Variants in CAPZB observed in about 807,000 individuals in gnomAD.
CAPZB encodes the protein capping actin protein of muscle Z-line subunit beta.
A neutral mutation model predicts 38.1 loss-of-function variants in CAPZB; 2 were observed. The observed-to-expected ratio is 0.05, with a 90% CI of 0.02 to 0.17. CAPZB has a LOEUF of 0.17. Among genes scored for constraint, CAPZB ranks in the 10% least tolerant of loss-of-function variants. The pLI is 1.00. For synonymous variants in CAPZB, 107 were observed against 127.4 expected (o/e 0.84, Z 1.08); for missense variants, 161 against 334.2 (o/e 0.48, Z 4.04).
At chr1:19,392,730 G>A (rs539942387) in intron 2 of CAPZB, among the ~76,000 whole-genome samples, 94 of 152,310 alleles carry the variant, frequency 6.2e-4, no homozygotes, top group African/African-American at 2.2e-3. Flanking sequence ...AGTCGAGGCT[G>A]CAGTGAGCCG....
chr1:19,393,867 C>A (rs1370355321), intron 2 of CAPZB, among the ~76,000 whole-genome samples: 1 of 152,250 alleles, frequency 6.6e-6, no homozygotes, highest in Non-Finnish European at 1.5e-5. Context: ...TGGGCAGGGG[C>A]TCAGTGCCTA....
Position 19,385,557 on chromosome 1 carries a change from C to G in CAPZB, c.163G>C (p.Val55Leu). The stretch of plus-strand genomic sequence containing the variant: ...TCACACAAAAGGTAATCCTTTCCCA[C>G]CACCTTGTCTCTGGCAATTTTCAGT... ...QPLKIARDKV[V>L]GKDYLLCDYN... is the part of the protein sequence containing the mutation. The change falls in exon 3 of 9, where the codon GTG (valine) becomes CTG (leucine). Residue 55 changes from valine to leucine, a missense_variant. Physicochemically the swap from Val to Leu is conservative, Grantham distance 32. Coordinates refer to ENST00000264202, the MANE Select transcript of CAPZB (RefSeq NM_004930.5). The G allele has an allele frequency of 1.2e-6, 2 of 1,614,112 alleles. No homozygotes were observed. The highest frequency in any genetic ancestry group is 8.5e-7 in the Non-Finnish European group (1 of 1,180,032).
At chr1:19,400,362 G>A (rs2100349225) in intron 2 of CAPZB, among the ~76,000 whole-genome samples, 1 of 152,280 alleles carries the variant, frequency 6.6e-6, no homozygotes, top group Middle Eastern at 3.4e-3. Flanking sequence ...GGGCTTCCCG[G>A]CCCACATTCC....
Position 19,475,474 on chromosome 1 carries a change from C to G in CAPZB, c.3+9962G>C, listed in dbSNP as rs973156093. On this transcript the variant is annotated intron_variant, in intron 1 of 8. Transcript: ENST00000264202. ...GTCAGCTGCTGTTAGGATCACGGCT[C>G]CCACCACGGCCAAACCCTGACAAGG... 2.0e-5 allele frequency among the ~76,000 whole-genome samples: 3 copies of G among 150,110 alleles called. No individual in the cohort carries two copies. In the East Asian group the frequency reaches 5.8e-4, roughly 29 times the overall value.
chr1:19,469,713 A>G (rs543593299), intron 1 of CAPZB, among the ~76,000 whole-genome samples: 2 of 150,962 alleles, frequency 1.3e-5, no homozygotes, highest in African/African-American at 4.9e-5. Flanking sequence ...ATCTCAAGGA[A>G]GGAAGATACT....
At chr1:19,381,554 T>C (rs2094174728) in intron 3 of CAPZB, among the ~76,000 whole-genome samples, 1 of 152,198 alleles carries the variant, frequency 6.6e-6, no homozygotes, top group South Asian at 2.1e-4. Context: ...TTTTTCATGC[T>C]GGTCACGGGC....
intron 1 of CAPZB, among the ~76,000 whole-genome samples, chr1:19,469,535 G>A (rs2094579397): frequency 6.6e-6 from 1 of 152,110 alleles, no homozygotes; most frequent in African/African-American, 2.4e-5. Context: ...CAGGGAGATT[G>A]AGGAAGTGAA....
chr1:19,417,154 C>T (rs1487456022), intron 2 of CAPZB, among the ~76,000 whole-genome samples: 1 of 152,192 alleles, frequency 6.6e-6, no homozygotes, highest in Non-Finnish European at 1.5e-5. Flanking sequence ...AAAGCAGCTA[C>T]ATGCACATCC....
chr1:19,405,541 CA>C (rs10577923), intron 2 of CAPZB, among the ~76,000 whole-genome samples: 6,005 of 96,276 alleles, frequency 0.062, 60 homozygotes, highest in South Asian at 0.08. Flanking sequence ...TAGAAAGAGG[CA>C]AAAAAAAAAA....
At position 19,356,056 on chromosome 1, in the gene CAPZB, G is replaced by A. The variant is rs1252024150; in HGVS notation, c.588+579C>T. 2.6e-5 allele frequency among the ~76,000 whole-genome samples: 4 copies of A among 152,164 alleles called. No homozygotes were observed. Among genetic ancestry groups the A allele is most frequent in the African/African-American group, 9.7e-5 (4 of 41,430 alleles). ...TGATACCCAAACAAAAGATGGATAA[G>A]AGAGAGGTATCCAGTAGGGCACTTC... On this transcript the variant is annotated intron_variant, in intron 6 of 8. Coordinates refer to ENST00000264202, the MANE Select transcript of CAPZB (RefSeq NM_004930.5). The surrounding 1 kb of genome is among the most constrained non-coding windows in gnomAD (Gnocchi z 4.3).
At chr1:19,367,268 A>G (rs746002272) in intron 4 of CAPZB, among the ~76,000 whole-genome samples, 4 of 152,232 alleles carry the variant, frequency 2.6e-5, no homozygotes, top group Non-Finnish European at 5.9e-5. Context: ...AGATATAAGG[A>G]AGATCACAAG....
intron 6 of CAPZB, among the ~76,000 whole-genome samples, chr1:19,350,613 T>A (rs61766683): frequency 2.7e-5 from 2 of 74,330 alleles, no homozygotes; most frequent in South Asian, 8.8e-4. Flanking sequence ...GTAGCAGTAA[T>A]TGTTTTTATT....
intron 2 of CAPZB, among the ~76,000 whole-genome samples, chr1:19,419,358 T>C (rs540897370): frequency 6.6e-6 from 1 of 152,304 alleles, no homozygotes; most frequent in Admixed American, 6.5e-5. Flanking sequence ...GTATGGCCTC[T>C]TCCTCACCAC....
At chr1:19,363,260 ATT>A (rs10641267) in intron 4 of CAPZB, among the ~76,000 whole-genome samples, 7,234 of 123,058 alleles carry the variant, frequency 0.059, 650 homozygotes, top group African/African-American at 0.2. Flanking sequence ...TAAAAAAAAA[ATT>A]TTTTTTTTTT....
At chr1:19,350,607 C>CAATAAA (rs151276726) in intron 6 of CAPZB, among the ~76,000 whole-genome samples, 1 of 60,658 alleles carries the variant, frequency 1.6e-5, no homozygotes, top group East Asian at 3.8e-4. Context: ...ATGGTAGTAG[C>CAATAAA]AGTAATTGTT....
intron 1 of CAPZB, among the ~76,000 whole-genome samples, chr1:19,461,547 T>G (rs940677898): frequency 1.3e-5 from 2 of 152,374 alleles, no homozygotes. Context: ...GCATGCTTCC[T>G]GCTCACCTCA....
At chr1:19,437,450 G>A (rs1331866463) in intron 1 of CAPZB, among the ~76,000 whole-genome samples, 2 of 152,200 alleles carry the variant, frequency 1.3e-5, no homozygotes, top group African/African-American at 4.8e-5. Context: ...AAGTGTTTGG[G>A]TGGGTTGCTG....
At chr1:19,354,230 G>C (rs995979981) in intron 6 of CAPZB, among the ~76,000 whole-genome samples, 3 of 152,048 alleles carry the variant, frequency 2.0e-5, no homozygotes, top group African/African-American at 7.3e-5. Flanking sequence ...TAATCCAAGG[G>C]GACAGCCTGC....
At chr1:19,348,745 G>A (rs1270992327) in intron 6 of CAPZB, among the ~76,000 whole-genome samples, 1 of 131,974 alleles carries the variant, frequency 7.6e-6, no homozygotes, top group African/African-American at 3.1e-5. Flanking sequence ...TGAGAAAACG[G>A]GTGGCATCTG....
Sources: allele counts gnomAD v4.1 joint callset (sites outside exome capture counted in the v4.1 genomes callset), GRCh38; gene constraint gnomAD v4.1.1; non-coding constraint Gnocchi (gnomAD v3.1); transcripts MANE v1.5; gene names NCBI Gene and HGNC (gene_info 2026-07-23, HGNC 2026-07-21).